The following BLTP1 variants were observed in gnomAD, a reference collection of about 807,000 sequenced individuals.
The protein encoded by BLTP1 is bridge-like lipid transfer protein family member 1.
the BLTP1 span, chr4:122,272,216 A>G: frequency 6.2e-7 from 1 of 1,613,334 alleles, no homozygotes; most frequent in Non-Finnish European, 8.5e-7. Context: ...TGAACAAGAC[A>G]ACAGCAGTTT....
chr4:122,290,812 T>TATACAC, the BLTP1 span: 2 of 92,586 alleles, frequency 2.2e-5, no homozygotes, highest in African/African-American at 8.7e-5. Context: ...AAAAAAAATA[T>TATACAC]ACACACACAC....
chr4:122,258,616 A>G, the BLTP1 span: 1 of 1,462,340 alleles, frequency 6.8e-7, no homozygotes, highest in South Asian at 1.5e-5. Flanking sequence ...GTTGAGTGTC[A>G]TTATATAACT....
At chr4:122,263,331 C>T in the BLTP1 span, 1 of 1,419,314 alleles carries the variant, frequency 7.0e-7, no homozygotes, top group African/African-American at 1.4e-5. Flanking sequence ...AATTCAAAAC[C>T]ATCTGCAAAC....
chr4:122,238,459 G>A, the BLTP1 span: 37 of 796,110 alleles, frequency 4.6e-5, no homozygotes, highest in Non-Finnish European at 6.3e-5. Flanking sequence ...TTAGAAAATT[G>A]TTACCTGTAT....
At chr4:122,298,792 G>A in the BLTP1 span, 1 of 857,410 alleles carries the variant, frequency 1.2e-6, no homozygotes, top group Non-Finnish European at 1.4e-6. Flanking sequence ...TCTACTTTTT[G>A]ATGATTGAGC....
At chr4:122,280,017 A>G in the BLTP1 span, 13 of 1,612,528 alleles carry the variant, frequency 8.1e-6, no homozygotes, top group African/African-American at 8.0e-5. Flanking sequence ...CTGTGATTCC[A>G]TATACTACCT....
At chr4:122,224,447 T>A in the BLTP1 span, 1 of 1,557,010 alleles carries the variant, frequency 6.4e-7, no homozygotes, top group Non-Finnish European at 8.7e-7. Context: ...AACTAGAAAT[T>A]ATAATGTGAT....
At chr4:122,323,443 T>G in the BLTP1 span, among the ~76,000 whole-genome samples, 1 of 149,786 alleles carries the variant, frequency 6.7e-6, no homozygotes, top group African/African-American at 2.4e-5. Flanking sequence ...GAACCCTCTT[T>G]TTTTTTTTTT....
the BLTP1 span, chr4:122,261,333 A>G: frequency 1.0e-6 from 1 of 984,950 alleles, no homozygotes; most frequent in Non-Finnish European, 1.2e-6. Flanking sequence ...AAAGCTGTTC[A>G]TTTTCAGAAT....
chr4:122,229,652 CTATTTCA>C, the BLTP1 span: 1 of 883,238 alleles, frequency 1.1e-6, no homozygotes, highest in Non-Finnish European at 1.4e-6. Flanking sequence ...TAAGTTTCTA[CTATTTCA>C]TTATTTACTT....
At chr4:122,252,160 C>CA in the BLTP1 span, among the ~76,000 whole-genome samples, 2 of 152,134 alleles carry the variant, frequency 1.3e-5, no homozygotes, top group Non-Finnish European at 2.9e-5. Flanking sequence ...ACCCAGGTAG[C>CA]ATATCATGGG....
At chr4:122,315,600 T>G in the BLTP1 span, 2 of 1,614,048 alleles carry the variant, frequency 1.2e-6, no homozygotes, top group Non-Finnish European at 1.7e-6. Flanking sequence ...GAGGAAGACA[T>G]AGATGACATT....
the BLTP1 span, among the ~76,000 whole-genome samples, chr4:122,182,419 A>G: frequency 1.3e-5 from 2 of 152,084 alleles, no homozygotes; most frequent in Admixed American, 6.6e-5. Flanking sequence ...TTTCCAAATC[A>G]TCCCCTATTA....
the BLTP1 span, chr4:122,301,200 G>A: frequency 2.2e-6 from 3 of 1,337,132 alleles, no homozygotes; most frequent in Non-Finnish European, 3.0e-6. Flanking sequence ...TCAGTGGTCA[G>A]TAAAAAGAAA....
the BLTP1 span, chr4:122,324,543 T>C: frequency 6.3e-7 from 1 of 1,587,506 alleles, no homozygotes; most frequent in Non-Finnish European, 8.6e-7. Context: ...CAAGGTAATA[T>C]ATATTTCAGC....
At chr4:122,194,035 T>C in the BLTP1 span, among the ~76,000 whole-genome samples, 2 of 152,038 alleles carry the variant, frequency 1.3e-5, no homozygotes, top group Non-Finnish European at 2.9e-5. Context: ...GCTAATTTTT[T>C]GTATTTTTAG....
the BLTP1 span, chr4:122,198,070 G>C: frequency 3.0e-6 from 3 of 985,106 alleles, no homozygotes; most frequent in African/African-American, 5.2e-5. Context: ...TCTTGGTTCT[G>C]TCACTTATTT....
chr4:122,213,820 T>G, the BLTP1 span, among the ~76,000 whole-genome samples: 1 of 152,310 alleles, frequency 6.6e-6, no homozygotes, highest in South Asian at 2.1e-4. Context: ...TCAGTCATAT[T>G]AAAACTTTGT....
the BLTP1 span, chr4:122,327,810 CAT>C: frequency 1.8e-5 from 3 of 162,382 alleles, no homozygotes; most frequent in Middle Eastern, 3.0e-3. Context: ...TTTGCTTCCA[CAT>C]GTTTAACTTC....
Sources: allele counts gnomAD v4.1 joint callset (sites outside exome capture counted in the v4.1 genomes callset), GRCh38; gene constraint gnomAD v4.1.1; transcripts MANE v1.5; gene names NCBI Gene and HGNC (gene_info 2026-07-23, HGNC 2026-07-21).